The following ADGRL2 variants were observed in gnomAD, a reference collection of about 807,000 sequenced individuals.
ADGRL2 encodes the protein adhesion G protein-coupled receptor L2.
ADGRL2 carries 44 observed loss-of-function variants against 157.4 expected under a neutral mutation model. The ratio of observed to expected loss-of-function variants is 0.28; its 90% CI spans 0.22 to 0.36. The LOEUF (loss-of-function observed/expected upper bound fraction) is 0.36, where lower values mean the gene tolerates loss of function less well. Ranked by LOEUF, ADGRL2 falls within the 10% of genes least tolerant of loss-of-function variation. The pLI is 1.00. For missense variants in ADGRL2, 1,510 were observed against 1,768.9 expected (o/e 0.85, Z 2.63); for synonymous variants, 585 against 624.7 (o/e 0.94, Z 0.95).
At chr1:81,829,102 G>A (rs897780974) in intron 1 of ADGRL2, among the ~76,000 whole-genome samples, 1 of 151,928 alleles carries the variant, frequency 6.6e-6, no homozygotes, top group Non-Finnish European at 1.5e-5. Context: ...AGTAGAGACG[G>A]GGTTTCACCG....
intron 2 of ADGRL2, among the ~76,000 whole-genome samples, chr1:81,534,003 G>A (rs1002110164): frequency 1.3e-5 from 2 of 152,098 alleles, no homozygotes; most frequent in Non-Finnish European, 2.9e-5. Flanking sequence ...GAACATATGA[G>A]GACAATCTCC....
intron 2 of ADGRL2, among the ~76,000 whole-genome samples, chr1:81,528,429 G>C (rs1172292308): frequency 6.6e-6 from 1 of 151,738 alleles, no homozygotes; most frequent in Non-Finnish European, 1.5e-5. Flanking sequence ...AGTGGATTCA[G>C]GAGGTCAGGA....
intron 1 of ADGRL2, among the ~76,000 whole-genome samples, chr1:81,444,089 C>T (rs1570983434): frequency 6.6e-6 from 1 of 152,270 alleles, no homozygotes; most frequent in African/African-American, 2.4e-5. Context: ...GCAATAGCTG[C>T]TGCAGGAAAG....
intron 2 of ADGRL2, among the ~76,000 whole-genome samples, chr1:81,792,682 C>A (rs2087406309): frequency 6.6e-6 from 1 of 152,046 alleles, no homozygotes; most frequent in South Asian, 2.1e-4. Context: ...TTTCTATATA[C>A]ATAAACATAT....
At chr1:81,383,808 C>CAAAAAAAAAAA (rs56660027) in intron 1 of ADGRL2, among the ~76,000 whole-genome samples, 33 of 104,200 alleles carry the variant, frequency 3.2e-4, no homozygotes, top group Middle Eastern at 5.3e-3. Context: ...ACTAAAAATA[C>CAAAAAAAAAAA]AAAAAAAAAA....
At chr1:81,635,525 G>A (rs1444987174) in intron 3 of ADGRL2, among the ~76,000 whole-genome samples, 1 of 152,180 alleles carries the variant, frequency 6.6e-6, no homozygotes, top group Non-Finnish European at 1.5e-5. Context: ...TGAAGGCTGG[G>A]AAGTCAAGGG....
chr1:81,967,181 A>C (rs1572415361), intron 13 of ADGRL2, among the ~76,000 whole-genome samples: 1 of 152,306 alleles, frequency 6.6e-6, no homozygotes, highest in African/African-American at 2.4e-5. Context: ...ATGCCCACAG[A>C]TAAAAAAGTG....
At chr1:81,734,888 C>G (rs2084845589) in intron 1 of ADGRL2, among the ~76,000 whole-genome samples, 2 of 144,690 alleles carry the variant, frequency 1.4e-5, no homozygotes, top group East Asian at 2.1e-4. Flanking sequence ...ACAAAATTAG[C>G]CAGGCATGGT....
At chr1:81,500,969 A>G (rs949101096) in intron 2 of ADGRL2, among the ~76,000 whole-genome samples, 2 of 152,222 alleles carry the variant, frequency 1.3e-5, no homozygotes, top group South Asian at 2.1e-4. Flanking sequence ...AGAAACTTCA[A>G]TTCGAGTCAG....
intron 2 of ADGRL2, among the ~76,000 whole-genome samples, chr1:81,894,733 T>TC (rs1463730858): frequency 1.3e-5 from 2 of 151,278 alleles, no homozygotes; most frequent in East Asian, 3.9e-4. Flanking sequence ...GTTTTTTTTT[T>TC]CTCTAGAAAC....
intron 2 of ADGRL2, among the ~76,000 whole-genome samples, chr1:81,526,955 C>T (rs1023376725): frequency 1.3e-5 from 2 of 152,236 alleles, no homozygotes; most frequent in Non-Finnish European, 2.9e-5. Flanking sequence ...TTGGAGCCAC[C>T]TCTGGCTACA....
chr1:81,690,552 A>T (rs932899416), intron 3 of ADGRL2, among the ~76,000 whole-genome samples: 1 of 152,180 alleles, frequency 6.6e-6, no homozygotes, highest in Non-Finnish European at 1.5e-5. Flanking sequence ...TTAATCCGGG[A>T]CTATCTTGGA....
chr1:81,788,599 A>C (rs751777386), intron 2 of ADGRL2, among the ~76,000 whole-genome samples: 3 of 152,220 alleles, frequency 2.0e-5, no homozygotes, highest in Non-Finnish European at 4.4e-5. Flanking sequence ...TGCAAAACAG[A>C]CTAACACAGA....
chr1:81,757,564 T>C (rs111918402), intron 1 of ADGRL2, among the ~76,000 whole-genome samples: 2 of 152,208 alleles, frequency 1.3e-5, no homozygotes, highest in African/African-American at 4.8e-5. Flanking sequence ...TGTACCTCAC[T>C]GCCAATTTCT....
intron 2 of ADGRL2, among the ~76,000 whole-genome samples, chr1:81,900,940 A>C (rs1458294013): frequency 1.3e-5 from 2 of 152,188 alleles, no homozygotes; most frequent in Non-Finnish European, 2.9e-5. Flanking sequence ...AAGCGAATTA[A>C]AATAAAACAG....
intron 2 of ADGRL2, among the ~76,000 whole-genome samples, chr1:81,886,758 A>G (rs558656045): frequency 6.6e-6 from 1 of 152,260 alleles, no homozygotes; most frequent in East Asian, 1.9e-4. Context: ...TTAAACCTGT[A>G]TTTGATTTCT....
intron 1 of ADGRL2, among the ~76,000 whole-genome samples, chr1:81,380,261 G>A (rs1427649459): frequency 6.6e-6 from 1 of 152,154 alleles, no homozygotes; most frequent in Non-Finnish European, 1.5e-5. Flanking sequence ...TTCAGTTCAT[G>A]TCCTGTGCCT....
At chr1:81,622,717 C>G (rs1424189511) in intron 3 of ADGRL2, among the ~76,000 whole-genome samples, 1 of 152,010 alleles carries the variant, frequency 6.6e-6, no homozygotes, top group Non-Finnish European at 1.5e-5. Context: ...ATTGTGCCAC[C>G]GTACTCCAAC....
chr1:81,544,529 G>A (rs1001656838), intron 2 of ADGRL2, among the ~76,000 whole-genome samples: 2 of 152,136 alleles, frequency 1.3e-5, no homozygotes, highest in African/African-American at 4.8e-5. Context: ...GAAGCCTAAT[G>A]TCATCTGTGA....
Sources: allele counts gnomAD v4.1 joint callset (sites outside exome capture counted in the v4.1 genomes callset), GRCh38; gene constraint gnomAD v4.1.1; transcripts MANE v1.5; gene names NCBI Gene and HGNC (gene_info 2026-07-23, HGNC 2026-07-21).